The following GRM1 variants were observed in gnomAD, a reference collection of about 807,000 sequenced individuals.
GRM1 encodes the protein glutamate metabotropic receptor 1.
Under a neutral mutation model 90.9 loss-of-function variants are expected in GRM1, and 33 were observed. The ratio of observed to expected loss-of-function variants is 0.36; its 90% CI spans 0.28 to 0.49. The LOEUF is 0.49. GRM1 is among the 20% of genes least tolerant of loss of function. The probability of loss-of-function intolerance (pLI) is 0.99; values close to 1 mark genes in which losing one functional copy is unlikely to be tolerated. For missense variants in GRM1, 1,190 were observed against 1,534.3 expected (o/e 0.78, Z 3.75); for synonymous variants, 700 against 613.2 (o/e 1.14, Z -2.09).
At chr6:146,376,274 G>T (rs1035095385) in intron 5 of GRM1, among the ~76,000 whole-genome samples, 6 of 151,950 alleles carry the variant, frequency 3.9e-5, no homozygotes, top group African/African-American at 1.5e-4. Flanking sequence ...CTTTTGATTG[G>T]TTCATTATTT....
chr6:146,099,087 A>G (rs903448810), intron 1 of GRM1, among the ~76,000 whole-genome samples: 2 of 152,180 alleles, frequency 1.3e-5, no homozygotes, highest in Non-Finnish European at 2.9e-5. Flanking sequence ...AATAACTATA[A>G]AGCAAATATC....
intron 3 of GRM1, among the ~76,000 whole-genome samples, chr6:146,337,900 C>T (rs1216127739): frequency 1.3e-5 from 2 of 152,148 alleles, no homozygotes; most frequent in Non-Finnish European, 1.5e-5. Flanking sequence ...GTCAAACTGG[C>T]ATATATTATA....
intron 7 of GRM1, among the ~76,000 whole-genome samples, chr6:146,417,219 T>C (rs79392803): frequency 0.013 from 1,958 of 152,332 alleles, 46 homozygotes; most frequent in African/African-American, 0.045. Context: ...CTGTTCCTTC[T>C]AATTTGTTGA....
intron 1 of GRM1, among the ~76,000 whole-genome samples, chr6:146,042,340 A>C (rs1377225134): frequency 6.6e-6 from 1 of 152,052 alleles, no homozygotes; most frequent in Non-Finnish European, 1.5e-5. Context: ...GGGAGATGAG[A>C]GATCCAATGA....
chr6:146,285,159 C>T (rs1224463798), intron 2 of GRM1, among the ~76,000 whole-genome samples: 1 of 152,128 alleles, frequency 6.6e-6, no homozygotes, highest in African/African-American at 2.4e-5. Flanking sequence ...CTGGAGTATA[C>T]CCTACCTCAC....
intron 2 of GRM1, among the ~76,000 whole-genome samples, chr6:146,229,010 G>A (rs573830804): frequency 7.2e-4 from 109 of 152,200 alleles, no homozygotes; most frequent in Admixed American, 2.8e-3. Flanking sequence ...GAGGGTGAGG[G>A]TGTAGAGAGT....
At chr6:146,412,776 T>C (rs1777616978) in intron 7 of GRM1, among the ~76,000 whole-genome samples, 1 of 152,162 alleles carries the variant, frequency 6.6e-6, no homozygotes, top group South Asian at 2.1e-4. Context: ...TATTATTCCA[T>C]GATAGTCATA....
At chr6:146,054,678 A>G (rs370795520) in intron 1 of GRM1, among the ~76,000 whole-genome samples, 1 of 152,142 alleles carries the variant, frequency 6.6e-6, no homozygotes. Context: ...TTAGACTCCA[A>G]CAGCCATTGG....
intron 3 of GRM1, among the ~76,000 whole-genome samples, chr6:146,345,778 C>G (rs1380432625): frequency 6.6e-6 from 1 of 152,240 alleles, no homozygotes; most frequent in African/African-American, 2.4e-5. Context: ...GGATTCTGAC[C>G]CAGCAGGTTG....
At chr6:146,360,133 G>A (rs1400214455) in intron 5 of GRM1, among the ~76,000 whole-genome samples, 1 of 152,112 alleles carries the variant, frequency 6.6e-6, no homozygotes, top group Non-Finnish European at 1.5e-5. Context: ...GGTGATTGTA[G>A]GACATACACT....
chr6:146,387,362 T>C (rs1019356607), intron 6 of GRM1, among the ~76,000 whole-genome samples: 1 of 151,790 alleles, frequency 6.6e-6, no homozygotes, highest in Non-Finnish European at 1.5e-5. Context: ...GAGGCACTAC[T>C]ATAGGCCCTA....
At chr6:146,305,951 G>A (rs1783564659) in intron 3 of GRM1, among the ~76,000 whole-genome samples, 1 of 152,144 alleles carries the variant, frequency 6.6e-6, no homozygotes, top group Admixed American at 6.6e-5. Flanking sequence ...GGGATGGTAA[G>A]AATATGGCTA....
rs552374660 is a variant in GRM1, at chr6:146,146,452, C to G, written c.701-12896C>G. ...ACATGTTCCCAGATGAAATTCTAGACTTTGGACTTTTGTGTTGGTGTTGGA... is the reference window on the plus strand; with the variant it reads ...ACATGTTCCCAGATGAAATTCTAGAGTTTGGACTTTTGTGTTGGTGTTGGA... On this transcript the variant is annotated intron_variant, in intron 1 of 7. Coordinates refer to ENST00000282753, the MANE Select transcript of GRM1 (RefSeq NM_001278064.2). 2.4e-3 allele frequency among the ~76,000 whole-genome samples: 359 copies of G among 152,066 alleles called. 1 individual carries two copies. The highest frequency in any genetic ancestry group is 4.4e-3 in the Non-Finnish European group (299 of 67,998).
chr6:146,084,098 A>G (rs537613734), intron 1 of GRM1, among the ~76,000 whole-genome samples: 3 of 151,110 alleles, frequency 2.0e-5, no homozygotes, highest in Admixed American at 6.6e-5. Flanking sequence ...TTCATTTTTT[A>G]TTGTGTCTAT....
chr6:146,273,362 G>A (rs1782239349), intron 2 of GRM1, among the ~76,000 whole-genome samples: 1 of 152,094 alleles, frequency 6.6e-6, no homozygotes, highest in Non-Finnish European at 1.5e-5. Flanking sequence ...CGGAGAAGGA[G>A]AAAAAACCCA....
chr6:146,150,938 G>GCACACACACA lies in GRM1; in HGVS notation c.701-8390_701-8381dup, dbSNP rs143821112. 3.7e-3 allele frequency among the ~76,000 whole-genome samples: 554 copies of GCACACACACA among 150,810 alleles called. 1 individual carries two copies. The highest frequency in any genetic ancestry group is 3.9e-3 in the Non-Finnish European group (267 of 67,614). ...TATAAACACACACACGCGTGTGCGC[G>GCACACACACA]CACACACACACACACACACACACAC... On this transcript the variant is annotated intron_variant, in intron 1 of 7. Transcript: ENST00000282753.
chr6:146,380,054 G>A (rs1776262764), intron 5 of GRM1, among the ~76,000 whole-genome samples: 1 of 151,904 alleles, frequency 6.6e-6, no homozygotes, highest in Non-Finnish European at 1.5e-5. Context: ...CCATAGTTGT[G>A]CTGACCTCAA....
At chr6:146,286,457 G>A (rs911451859) in intron 2 of GRM1, among the ~76,000 whole-genome samples, 2 of 152,174 alleles carry the variant, frequency 1.3e-5, no homozygotes, top group Admixed American at 1.3e-4. Context: ...GATTTAGATA[G>A]ATTGCTAAAA....
At chr6:146,173,005 A>G (rs1257837338) in intron 2 of GRM1, among the ~76,000 whole-genome samples, 2 of 152,180 alleles carry the variant, frequency 1.3e-5, no homozygotes, top group Non-Finnish European at 2.9e-5. Context: ...GAGTGAGCGA[A>G]TGACTGGCTG....
Sources: allele counts gnomAD v4.1 joint callset (sites outside exome capture counted in the v4.1 genomes callset), GRCh38; gene constraint gnomAD v4.1.1; transcripts MANE v1.5; gene names NCBI Gene and HGNC (gene_info 2026-07-23, HGNC 2026-07-21).